Variants in KIAA2012 observed in about 807,000 individuals in gnomAD.
KIAA2012 encodes KIAA2012.
KIAA2012 carries 125 observed loss-of-function variants against 150.6 expected under a neutral mutation model. That is an observed-to-expected ratio of 0.83 (90% CI 0.72 to 0.96). The LOEUF is 0.96. KIAA2012 is among the 40% of genes least tolerant of loss of function. The probability of loss-of-function intolerance (pLI) is 0.00; values close to 1 mark genes in which losing one functional copy is unlikely to be tolerated. For missense variants in KIAA2012, 1,219 were observed against 1,354.9 expected, an observed-to-expected ratio of 0.90 and a Z score of 1.57; for synonymous variants, 462 against 504.7, an observed-to-expected ratio of 0.92 and a Z score of 1.13.
intron 2 of KIAA2012, among the ~76,000 whole-genome samples, chr2:202,083,346 G>A (rs1689491132): frequency 6.6e-6 from 1 of 152,236 alleles, no homozygotes; most frequent in Admixed American, 6.5e-5. Context: ...TCCAGGCACA[G>A]CTGCAAGTGG....
intron 19 of KIAA2012, among the ~76,000 whole-genome samples, chr2:202,192,915 C>G (rs190954415): frequency 6.6e-6 from 1 of 152,258 alleles, no homozygotes; most frequent in Admixed American, 6.5e-5. Context: ...TGCACCCAGC[C>G]ACAAGTAATT....
At chr2:202,111,508 T>TAA (rs1690352734) in intron 10 of KIAA2012, among the ~76,000 whole-genome samples, 1 of 34,064 alleles carries the variant, frequency 2.9e-5, no homozygotes, top group African/African-American at 1.0e-4. Context: ...AGACTCTGTC[T>TAA]CAAAAAAAAA....
rs1332771492 is a variant in KIAA2012, at chr2:202,097,394, A to C, written c.686-41A>C. ...TGGAGGCAGCAAGAACACCACGTCCATTTCCAGGGTGACAAGCTGACCCAT... is the reference window on the plus strand; with the variant it reads ...TGGAGGCAGCAAGAACACCACGTCCCTTTCCAGGGTGACAAGCTGACCCAT... On this transcript the variant is annotated intron_variant, in intron 4 of 23. Coordinates refer to ENST00000498697, the MANE Select transcript of KIAA2012 (RefSeq NM_001277372.4). 4 of 1,546,780 alleles carry C rather than the reference A, an allele frequency of 2.6e-6. No homozygotes were observed. In the Admixed American group the frequency reaches 7.9e-5, roughly 31 times the overall value.
chr2:202,127,001 C>T (rs147520758), intron 12 of KIAA2012, among the ~76,000 whole-genome samples: 175 of 152,222 alleles, frequency 1.1e-3, no homozygotes, highest in Admixed American at 2.6e-3. Flanking sequence ...TTCTGTCCAA[C>T]CTCCGTTTCC....
intron 13 of KIAA2012, among the ~76,000 whole-genome samples, chr2:202,148,110 T>G (rs975251256): frequency 6.6e-6 from 1 of 152,218 alleles, no homozygotes; most frequent in South Asian, 2.1e-4. Flanking sequence ...CAGCTAAGAT[T>G]TACTTATAGT....
intron 2 of KIAA2012, among the ~76,000 whole-genome samples, chr2:202,086,606 C>T (rs915582779): frequency 1.3e-5 from 2 of 152,172 alleles, no homozygotes; most frequent in African/African-American, 4.8e-5. Context: ...ACTTGAAGTA[C>T]CTGCCACATA....
chr2:202,194,085 C>T, intron 20 of KIAA2012, 105 bp from the exon 21 acceptor site: 2 of 1,248,410 alleles, frequency 1.6e-6, no homozygotes, highest in Non-Finnish European at 2.2e-6. Flanking sequence ...CTCCCTGTGG[C>T]CTGTGGGCTG....
At chr2:202,134,704 G>A (rs1459723841) in intron 12 of KIAA2012, among the ~76,000 whole-genome samples, 2 of 152,074 alleles carry the variant, frequency 1.3e-5, no homozygotes, top group Non-Finnish European at 2.9e-5. Flanking sequence ...ACAGGCGCCC[G>A]CTACCACATC....
intron 2 of KIAA2012, among the ~76,000 whole-genome samples, chr2:202,080,732 T>C (rs1473434976): frequency 1.3e-5 from 2 of 151,518 alleles, no homozygotes; most frequent in Non-Finnish European, 2.9e-5. Flanking sequence ...CTAACACTTA[T>C]GTAGAAGTTA....
chr2:202,084,306 T>G lies in KIAA2012; in HGVS notation c.370-6464T>G, dbSNP rs376017826. ...AGGAGCACAAGCCCTACCGTCTCCT[T>G]CTATCCTCTGAAAACCTTCAGTGGC... On this transcript the variant is annotated intron_variant, in intron 2 of 23. Coordinates refer to ENST00000498697, the MANE Select transcript of KIAA2012 (RefSeq NM_001277372.4). 1.4e-4 allele frequency among the ~76,000 whole-genome samples: 22 copies of G among 152,246 alleles called. 1 individual carries two copies. Among genetic ancestry groups the G allele is most frequent in the Admixed American group, 7.8e-4 (12 of 15,288 alleles).
At chr2:202,180,358 C>T (rs948318358) in intron 15 of KIAA2012, among the ~76,000 whole-genome samples, 4 of 149,760 alleles carry the variant, frequency 2.7e-5, no homozygotes, top group African/African-American at 9.8e-5. Flanking sequence ...TCTACTTAAA[C>T]ATGTTTAAAG....
chr2:202,134,559 T>C (rs1691022494), intron 12 of KIAA2012, among the ~76,000 whole-genome samples: 1 of 152,220 alleles, frequency 6.6e-6, no homozygotes, highest in South Asian at 2.1e-4. Context: ...GTTTCTTTCT[T>C]TCTTTCTTTT....
chr2:202,181,664 A>G (rs1419008567), intron 15 of KIAA2012, among the ~76,000 whole-genome samples: 1 of 152,210 alleles, frequency 6.6e-6, no homozygotes, highest in Non-Finnish European at 1.5e-5. Context: ...AATATACACT[A>G]ATCAATTATA....
intron 13 of KIAA2012, among the ~76,000 whole-genome samples, chr2:202,149,378 G>A (rs568359646): frequency 1.4e-4 from 21 of 152,314 alleles, no homozygotes; most frequent in Middle Eastern, 3.4e-3. Context: ...AGGCTCCCCC[G>A]ACCCGCTCTT....
At position 202,109,598 on chromosome 2, in the gene KIAA2012, CT is replaced by C; in HGVS notation, c.1475-11del. 1 of 1,509,942 alleles carries C rather than the reference CT, an allele frequency of 6.6e-7. No homozygotes were observed. The highest frequency in any genetic ancestry group is 8.8e-7 in the Non-Finnish European group (1 of 1,131,030). The allele number at this position is 1,509,942 out of a possible 1,614,324, so 93.5% of individuals were successfully genotyped here. ...TGTTTTCTCACACAGGCTTTTTCCC[CT>C]TTTGTTTTTAAAGATGATGATGCCC... On this transcript the variant is annotated splice_polypyrimidine_tract_variant and intron_variant, in intron 9 of 23. Transcript: ENST00000498697.
intron 3 of KIAA2012, among the ~76,000 whole-genome samples, chr2:202,091,504 G>T (rs1689721496): frequency 6.6e-6 from 1 of 152,132 alleles, no homozygotes; most frequent in African/African-American, 2.4e-5. Flanking sequence ...ACACCCTTCT[G>T]ATGAACAGAC....
At chr2:202,135,511 G>A (rs997060995) in intron 12 of KIAA2012, among the ~76,000 whole-genome samples, 1 of 152,198 alleles carries the variant, frequency 6.6e-6, no homozygotes, top group Non-Finnish European at 1.5e-5. Flanking sequence ...TGCAGTTTGA[G>A]TTGTGTCTCC....
Position 202,135,993 on chromosome 2 carries a change from TAAA to T in KIAA2012, c.1832-2427_1832-2425del, listed in dbSNP as rs367977936. ...AGTTTCCCCCAAGCTGATTCAAATT[TAAA>T]AAAAAAAAAAATTTTTTTTGAAACA... On this transcript the variant is annotated intron_variant, in intron 12 of 23. Coordinates refer to ENST00000498697, the MANE Select transcript of KIAA2012 (RefSeq NM_001277372.4). 1.3e-3 allele frequency: 369 copies of T among 275,030 alleles called. 1 individual carries two copies. The highest frequency in any genetic ancestry group is 2.8e-3 in the East Asian group (25 of 8,840). 17.0% of individuals were successfully genotyped at this position (275,030 alleles called of 1,614,324 possible).
intron 13 of KIAA2012, among the ~76,000 whole-genome samples, chr2:202,151,657 TTGTC>T (rs1342232994): frequency 6.6e-5 from 10 of 152,224 alleles, no homozygotes; most frequent in African/African-American, 2.2e-4. Flanking sequence ...GTGTGTTTGT[TTGTC>T]TGACACATAG....
Sources: allele counts gnomAD v4.1 joint callset (sites outside exome capture counted in the v4.1 genomes callset), GRCh38; gene constraint gnomAD v4.1.1; transcripts MANE v1.5; gene names NCBI Gene and HGNC (gene_info 2026-07-23, HGNC 2026-07-21).